The following GALNT13 variants were observed in gnomAD, a reference collection of about 807,000 sequenced individuals.
The protein encoded by GALNT13 is polypeptide N-acetylgalactosaminyltransferase 13.
GALNT13 carries 28 observed loss-of-function variants against 64.2 expected under a neutral mutation model. The ratio of observed to expected loss-of-function variants is 0.44; its 90% CI spans 0.32 to 0.60. GALNT13 has a LOEUF of 0.60. Among genes scored for constraint, GALNT13 ranks in the 20% least tolerant of loss-of-function variants. The pLI, the probability that GALNT13 is intolerant of heterozygous loss-of-function variation, is 0.05. For synonymous variants in GALNT13, 214 were observed against 224.6 expected, an observed-to-expected ratio of 0.95 and a Z score of 0.42; for missense variants, 577 against 669.8, an observed-to-expected ratio of 0.86 and a Z score of 1.53.
chr2:153,890,517 C>T (rs372660904), intron 1 of GALNT13, among the ~76,000 whole-genome samples: 16 of 152,028 alleles, frequency 1.1e-4, no homozygotes, highest in East Asian at 7.7e-4. Context: ...CAACTTAAAA[C>T]TTTTTCCCGT....
chr2:153,402,339 TTCTCTC>T, the GALNT13 span, among the ~76,000 whole-genome samples: 1 of 151,510 alleles, frequency 6.6e-6, no homozygotes, highest in East Asian at 1.9e-4. Flanking sequence ...AACCCGACCT[TTCTCTC>T]TGGCTGCCCT....
chr2:153,498,707 C>A, the GALNT13 span, among the ~76,000 whole-genome samples: 1 of 152,246 alleles, frequency 6.6e-6, no homozygotes, highest in African/African-American at 2.4e-5. Flanking sequence ...GCTCGGGGAA[C>A]CCCTAGGTCT....
At chr2:153,685,792 T>C in the GALNT13 span, among the ~76,000 whole-genome samples, 1 of 152,006 alleles carries the variant, frequency 6.6e-6, no homozygotes, top group East Asian at 1.9e-4. Flanking sequence ...GTTTTTATGG[T>C]TTGGGGTTTT....
At chr2:154,260,801 T>C (rs1393267085) in intron 8 of GALNT13, among the ~76,000 whole-genome samples, 1 of 152,176 alleles carries the variant, frequency 6.6e-6, no homozygotes, top group Non-Finnish European at 1.5e-5. Context: ...AATGAGAGAA[T>C]GTACTCATTC....
At chr2:154,349,646 A>G (rs72999344) in intron 9 of GALNT13, among the ~76,000 whole-genome samples, 2,489 of 152,292 alleles carry the variant, frequency 0.016, 60 homozygotes, top group African/African-American at 0.05. Context: ...ATGGATGTAA[A>G]TCCAAACCCT....
At chr2:153,639,435 G>A in the GALNT13 span, among the ~76,000 whole-genome samples, 1 of 152,098 alleles carries the variant, frequency 6.6e-6, no homozygotes, top group Admixed American at 6.6e-5. Flanking sequence ...GGGAAGAGAG[G>A]AATTCAAGGA....
chr2:154,357,383 C>A (rs911859233), intron 9 of GALNT13, among the ~76,000 whole-genome samples: 3 of 151,936 alleles, frequency 2.0e-5, no homozygotes, highest in Non-Finnish European at 4.4e-5. Context: ...GTTGTCTTCT[C>A]TTTATTAGAG....
At chr2:153,645,616 G>T in the GALNT13 span, among the ~76,000 whole-genome samples, 107 of 152,088 alleles carry the variant, frequency 7.0e-4, no homozygotes, top group African/African-American at 2.5e-3. Flanking sequence ...TATGGATTTT[G>T]TATATTAAGA....
chr2:153,721,527 A>G, the GALNT13 span, among the ~76,000 whole-genome samples: 1 of 150,100 alleles, frequency 6.7e-6, no homozygotes, highest in East Asian at 1.9e-4. Flanking sequence ...AGTTAGATAA[A>G]GAGTCAAGAC....
chr2:154,355,925 T>C (rs773589992), intron 9 of GALNT13, among the ~76,000 whole-genome samples: 7 of 152,152 alleles, frequency 4.6e-5, no homozygotes, highest in East Asian at 1.9e-4. Context: ...GCCTTCTGAC[T>C]TTCTTCCTGC....
the GALNT13 span, among the ~76,000 whole-genome samples, chr2:153,631,751 G>A: frequency 1.3e-5 from 2 of 152,120 alleles, no homozygotes; most frequent in African/African-American, 2.4e-5. Context: ...CTCCCATTCT[G>A]TAGGTTGCCT....
intron 9 of GALNT13, among the ~76,000 whole-genome samples, chr2:154,341,065 G>T (rs1695738072): frequency 6.6e-6 from 1 of 151,996 alleles, no homozygotes; most frequent in African/African-American, 2.4e-5. Context: ...ACCCAAGAAG[G>T]CACACATATA....
the GALNT13 span, among the ~76,000 whole-genome samples, chr2:153,693,051 C>G: frequency 6.6e-6 from 1 of 152,048 alleles, no homozygotes; most frequent in African/African-American, 2.4e-5. Flanking sequence ...ATAGCAGAAC[C>G]AAATGTGTTC....
chr2:153,493,405 A>T, the GALNT13 span, among the ~76,000 whole-genome samples: 3 of 152,220 alleles, frequency 2.0e-5, no homozygotes, highest in South Asian at 6.2e-4. Context: ...AAATTCTACA[A>T]CTTAAATGAA....
At chr2:153,628,871 A>C in the GALNT13 span, among the ~76,000 whole-genome samples, 1 of 152,158 alleles carries the variant, frequency 6.6e-6, no homozygotes, top group African/African-American at 2.4e-5. Context: ...AAAATGAGTT[A>C]GGGAGGATTC....
intron 11 of GALNT13, among the ~76,000 whole-genome samples, chr2:154,430,984 G>A (rs1181675811): frequency 1.3e-5 from 2 of 152,192 alleles, no homozygotes; most frequent in African/African-American, 4.8e-5. Flanking sequence ...ACAGTATGGT[G>A]TAAACATAAC....
At chr2:153,727,842 C>A in the GALNT13 span, among the ~76,000 whole-genome samples, 10 of 152,186 alleles carry the variant, frequency 6.6e-5, no homozygotes, top group Admixed American at 6.5e-4. Context: ...ACCCGTCATT[C>A]AGGTTTTAAG....
chr2:153,673,195 C>A, the GALNT13 span, among the ~76,000 whole-genome samples: 735 of 152,318 alleles, frequency 4.8e-3, 6 homozygotes, highest in African/African-American at 0.017. Context: ...GGAACCCTCT[C>A]TAACTCATTT....
chr2:153,093,236 C>CTTTTTTT, the GALNT13 span, among the ~76,000 whole-genome samples: 615 of 128,912 alleles, frequency 4.8e-3, 9 homozygotes, highest in Non-Finnish European at 7.1e-3. Flanking sequence ...TTTTTCTTTT[C>CTTTTTTT]TTTTCTTTTT....
Sources: allele counts gnomAD v4.1 joint callset (sites outside exome capture counted in the v4.1 genomes callset), GRCh38; gene constraint gnomAD v4.1.1; transcripts MANE v1.5; gene names NCBI Gene and HGNC (gene_info 2026-07-23, HGNC 2026-07-21).